Variants in TTC21B observed in about 807,000 individuals in gnomAD.
TTC21B encodes tetratricopeptide repeat protein 21B.
A neutral mutation model predicts 175.1 loss-of-function variants in TTC21B; 127 were observed. That is an observed-to-expected ratio of 0.73 (90% CI 0.63 to 0.84). TTC21B has a LOEUF of 0.84. TTC21B is among the 40% of genes least tolerant of loss of function. The probability of loss-of-function intolerance (pLI) is 0.00; values close to 1 mark genes in which losing one functional copy is unlikely to be tolerated. For synonymous variants in TTC21B, 524 were observed against 524.5 expected (o/e 1.00, Z 0.01); for missense variants, 1,561 against 1,558.3 (o/e 1.00, Z -0.03).
intron 1 of TTC21B, 124 bp downstream of exon 1, chr2:165,953,561 G>A (rs1215233053): frequency 1.3e-5 from 19 of 1,472,902 alleles, no homozygotes; most frequent in Non-Finnish European, 1.5e-5. Context: ...GAGCAGCCGG[G>A]GCACCGCAGG....
Position 165,911,330 on chromosome 2 carries a change from G to T in TTC21B, c.2458C>A (p.Pro820Thr). The change falls in exon 18 of 29, where the codon CCT becomes ACT. Residue 820 changes from proline to threonine, a missense_variant. Pro to Thr is a conservative substitution (Grantham distance 38). Coordinates refer to ENST00000243344, the MANE Select transcript of TTC21B (RefSeq NM_024753.5). ...CAAACCAGAAAGACTTTCATACCAG[G>T]TTCATGAGCCAGAGCATGCTGAAGA... ...KVLQHALAHE[P>T]VNELSALMED... 6.2e-7 allele frequency: 1 copy of T among 1,613,760 alleles called. No homozygotes were observed. The highest frequency in any genetic ancestry group is 1.1e-5 in the South Asian group (1 of 91,074).
At chr2:165,885,195 G>A (rs993101262) in intron 25 of TTC21B, among the ~76,000 whole-genome samples, 1 of 152,032 alleles carries the variant, frequency 6.6e-6, no homozygotes, top group African/African-American at 2.4e-5. Context: ...ACTGAGGAAC[G>A]GTGATACCAT....
Position 165,891,031 on chromosome 2 carries a change from T to G in TTC21B, c.2951-43A>C, listed in dbSNP as rs774719103. The G allele has an allele frequency of 2.0e-6, 3 of 1,492,056 alleles. No homozygotes were observed. In the Admixed American group the frequency reaches 5.1e-5, roughly 25 times the overall value. 92.4% of individuals were successfully genotyped at this position (1,492,056 alleles called of 1,614,324 possible). The stretch of plus-strand genomic sequence containing the variant: ...TTCAGATATGGGCACCATTTTATAC[T>G]GTTTCTTTTGTTGGTTATAATTCTA... On this transcript the variant is annotated intron_variant, in intron 22 of 28. Coordinates refer to ENST00000243344, the MANE Select transcript of TTC21B (RefSeq NM_024753.5).
intron 22 of TTC21B, among the ~76,000 whole-genome samples, chr2:165,897,886 C>T (rs1016282610): frequency 6.6e-6 from 1 of 152,156 alleles, no homozygotes; most frequent in African/African-American, 2.4e-5. Flanking sequence ...AGGGAATAAA[C>T]TGTGCCAAAT....
At chr2:165,909,470 A>G (rs1574091623) in intron 18 of TTC21B, among the ~76,000 whole-genome samples, 1 of 152,166 alleles carries the variant, frequency 6.6e-6, no homozygotes, top group Non-Finnish European at 1.5e-5. Context: ...GAAAATATCT[A>G]CAACATGAAC....
At chr2:165,912,349 G>C (rs192197664) in intron 17 of TTC21B, among the ~76,000 whole-genome samples, 165 bp downstream of exon 17, 349 of 152,272 alleles carry the variant, frequency 2.3e-3, no homozygotes, top group African/African-American at 8.0e-3. Context: ...AAGCAATGAA[G>C]AATCTGATAA....
chr2:165,917,116 T>G (rs545664681), intron 14 of TTC21B, 141 bp downstream of exon 14: 5 of 743,806 alleles, frequency 6.7e-6, no homozygotes, highest in Admixed American at 4.4e-5. Context: ...TGACCTCAGA[T>G]GATCCATCTG....
In TTC21B at chr2:165,924,401, A is replaced by G. The variant is rs2163648; in HGVS notation, c.1516+148T>C. On this transcript the variant is annotated intron_variant, in intron 12 of 28. Transcript: ENST00000243344. Reference sequence around the variant, plus strand: ...ATTAAAGAGTAAGTTATGCAATTCTATTTTGGATTAAAATTACTTATCTAT... The same window carrying G: ...ATTAAAGAGTAAGTTATGCAATTCTGTTTTGGATTAAAATTACTTATCTAT... 101,767 of 688,034 alleles carry G rather than the reference A, an allele frequency of 0.15. 9,108 individuals carry two copies. Among genetic ancestry groups the G allele is most frequent in the East Asian group, 0.34 (10,443 of 30,564 alleles). 42.6% of individuals were successfully genotyped at this position (688,034 alleles called of 1,614,324 possible).
At chr2:165,936,882 C>A (rs2105354299) in intron 6 of TTC21B, among the ~76,000 whole-genome samples, 1 of 151,928 alleles carries the variant, frequency 6.6e-6, no homozygotes, top group East Asian at 1.9e-4. Context: ...TTTTGGAAGA[C>A]AGTTTGGCAG....
At chr2:165,893,826 G>A (rs1033993868) in intron 22 of TTC21B, among the ~76,000 whole-genome samples, 16 of 152,102 alleles carry the variant, frequency 1.1e-4, no homozygotes, top group Admixed American at 3.3e-4. Flanking sequence ...GAAGGCATGC[G>A]CCAAGAGGGA....
chr2:165,894,267 G>C (rs900613526), intron 22 of TTC21B, among the ~76,000 whole-genome samples: 2 of 152,100 alleles, frequency 1.3e-5, no homozygotes, highest in African/African-American at 4.8e-5. Flanking sequence ...GAGAAAAGGG[G>C]CAATCTGTCG....
chr2:165,901,293 C>T (rs1685550705), intron 20 of TTC21B, among the ~76,000 whole-genome samples: 2 of 151,972 alleles, frequency 1.3e-5, no homozygotes, highest in African/African-American at 4.8e-5. Flanking sequence ...ATTTTTGTTA[C>T]ATTTCTTTTA....
At position 165,899,387 on chromosome 2, in the gene TTC21B, GT is replaced by G. The variant is rs1054871491; in HGVS notation, c.2868+382del. On this transcript the variant is annotated intron_variant, in intron 21 of 28. Transcript: ENST00000243344. ...TGTCTTAGACTGATAATATGAAGTT[GT>G]TTTTTTTCCCCTGTAACTCCAAAAA... is the stretch of plus-strand genomic sequence containing the variant. Among the ~76,000 whole-genome samples, 3 of 151,946 alleles carry G rather than the reference GT, an allele frequency of 2.0e-5. No homozygotes were observed. In the East Asian group the frequency reaches 5.8e-4, roughly 29 times the overall value.
intron 14 of TTC21B, among the ~76,000 whole-genome samples, chr2:165,915,802 G>A (rs756200150): frequency 6.6e-6 from 1 of 152,128 alleles, no homozygotes; most frequent in East Asian, 1.9e-4. Flanking sequence ...CCAGAACACT[G>A]TTGTTACACT....
chr2:165,931,741 A>G lies in TTC21B; in HGVS notation c.894+17T>C, dbSNP rs113275705. 2.5e-6 allele frequency: 4 copies of G among 1,598,406 alleles called. No individual in the cohort carries two copies. Among genetic ancestry groups the G allele is most frequent in the East Asian group, 2.2e-5 (1 of 44,772 alleles). On this transcript the variant is annotated intron_variant, in intron 8 of 28. Coordinates refer to ENST00000243344, the MANE Select transcript of TTC21B (RefSeq NM_024753.5). ...ACTATAGATAACAGAGCTCTGGTAC[A>G]TGGTAGGCACTCTCACAGTTCTGCT...
At chr2:165,953,473 C>T (rs993451389) in intron 1 of TTC21B, among the ~76,000 whole-genome samples, 1 of 152,224 alleles carries the variant, frequency 6.6e-6, no homozygotes, top group Non-Finnish European at 1.5e-5. Context: ...AGCGGGCGGG[C>T]TGCCCAGACC....
rs566900940 is a variant in TTC21B at position 165,927,146 on chromosome 2, TTA to T, written c.1386+1987_1386+1988del. Among the ~76,000 whole-genome samples the T allele has an allele frequency of 3.9e-3, 197 of 50,320 alleles. 55 individuals carry two copies. The highest frequency in any genetic ancestry group is 0.022 in the Admixed American group (78 of 3,592). 33.0% of individuals were successfully genotyped at this position (50,320 alleles called of 152,430 possible). The stretch of plus-strand genomic sequence containing the variant: ...TATATATATATATATATCCTAGTAG[TTA>T]TATATATATATATATCCTAACAGTT... On this transcript the variant is annotated intron_variant, in intron 11 of 28. Coordinates refer to ENST00000243344, the MANE Select transcript of TTC21B (RefSeq NM_024753.5).
chr2:165,945,534 C>G lies in TTC21B; in HGVS notation c.419G>C (p.Gly140Ala), dbSNP rs779381150. 3.7e-6 allele frequency: 6 copies of G among 1,613,280 alleles called. No homozygotes were observed. The highest frequency in any genetic ancestry group is 5.1e-6 in the Non-Finnish European group (6 of 1,179,828). The change falls in exon 4 of 29, where the codon GGT (glycine) becomes GCT (alanine). Residue 140 changes from glycine to alanine, a missense_variant. Transcript: ENST00000243344. The stretch of plus-strand genomic sequence containing the variant: ...CAGAAAAATAGCTACCTGTTTACTA[C>G]CATCTGATATTTTGATCATTCTGTC... ...YIDRMIKISD[G>A]SKQGHVLKAW...
At chr2:165,896,550 TA>T (rs66837491) in intron 22 of TTC21B, among the ~76,000 whole-genome samples, 66,916 of 151,720 alleles carry the variant, frequency 0.44, 15,285 homozygotes, top group South Asian at 0.54. Flanking sequence ...GAAAACAGGA[TA>T]AAGGGACAGA....
Sources: gnomAD v4.1 joint callset for allele counts (sites outside exome capture counted in the v4.1 genomes callset) on GRCh38, gnomAD v4.1.1 for gene constraint, MANE v1.5 for transcripts, NCBI Gene and HGNC (gene_info 2026-07-23, HGNC 2026-07-21) for gene names.